The following B4GALT1 variants were observed in gnomAD, a reference collection of about 807,000 sequenced individuals.
B4GALT1 encodes beta-1,4-galactosyltransferase 1.
In B4GALT1, 16 loss-of-function variants were observed where a neutral mutation model predicts 34.9. That is an observed-to-expected ratio of 0.46 (90% CI 0.31 to 0.70). The LOEUF (loss-of-function observed/expected upper bound fraction) is 0.70. Among genes scored for constraint, B4GALT1 ranks in the 30% least tolerant of loss-of-function variants. B4GALT1 has a pLI of 0.05. For synonymous variants in B4GALT1, 221 were observed against 218.1 expected, an observed-to-expected ratio of 1.01 and a Z score of -0.12; for missense variants, 445 against 530.5, an observed-to-expected ratio of 0.84 and a Z score of 1.58.
chr9:33,178,341 C>G, the B4GALT1 span, among the ~76,000 whole-genome samples: 55 of 152,228 alleles, frequency 3.6e-4, no homozygotes, highest in Middle Eastern at 3.4e-3. Context: ...TGATACATAG[C>G]TACATTCTAT....
At position 33,115,903 on chromosome 9, in the gene B4GALT1, T is replaced by G. The variant is rs1008515943; in HGVS notation, c.959+88A>C. The G allele has an allele frequency of 1.2e-5, 19 of 1,531,708 alleles. No homozygotes were observed. In the African/African-American group the frequency reaches 2.1e-4, roughly 17 times the overall value. 94.9% of individuals were successfully genotyped at this position (1,531,708 alleles called of 1,614,324 possible). A position where few individuals can be genotyped will look rare whatever the true frequency, so the allele number is the denominator to read the frequency against. On this transcript the variant is annotated intron_variant, in intron 4 of 5. Coordinates refer to ENST00000379731, the MANE Select transcript of B4GALT1 (RefSeq NM_001497.4). ...ACTAGGGGTGCATCCCATCTGAGGG[T>G]CAGTCCTTGGGGAACAACCAAGCAT... is the stretch of plus-strand genomic sequence containing the variant.
At chr9:33,132,117 G>A (rs117347752) in intron 2 of B4GALT1, among the ~76,000 whole-genome samples, 235 of 150,382 alleles carry the variant, frequency 1.6e-3, no homozygotes, top group Non-Finnish European at 2.6e-3. Flanking sequence ...AAAGTATGAG[G>A]AAAAGCAAAG....
chr9:33,113,313 TG>T lies in B4GALT1; in HGVS notation c.*140del. The T allele has an allele frequency of 7.7e-7, 1 of 1,302,740 alleles. No homozygotes were observed. Among genetic ancestry groups the T allele is most frequent in the Non-Finnish European group, 1.1e-6 (1 of 904,034 alleles). The allele number at this position is 1,302,740 out of a possible 1,614,324, so 80.7% of individuals were successfully genotyped here. On this transcript the variant is annotated 3_prime_UTR_variant, in exon 6 of 6. Transcript: ENST00000379731. ...AAATATCCCACTCGTCCTGGTCATC[TG>T]GAAAGCCATCTGAATGATGAGCGAA... is the stretch of plus-strand genomic sequence containing the variant.
upstream of B4GALT1, among the ~76,000 whole-genome samples, chr9:33,169,876 A>G (rs1303671062): frequency 2.0e-5 from 3 of 147,548 alleles, no homozygotes; most frequent in East Asian, 6.0e-4. Context: ...TTATGCATTT[A>G]TTTTCTGTTG....
downstream of B4GALT1, chr9:33,108,764 A>G (rs1039437344): frequency 3.3e-5 from 5 of 151,892 alleles, no homozygotes; most frequent in African/African-American, 1.2e-4. Flanking sequence ...TCTCACTCAG[A>G]CCTGACAGCT....
rs1345894879 is a variant in B4GALT1, at chr9:33,112,905, T to C, written c.*549A>G. On this transcript the variant is annotated 3_prime_UTR_variant, in exon 6 of 6. Coordinates refer to ENST00000379731, the MANE Select transcript of B4GALT1 (RefSeq NM_001497.4). ...CAGGGCTCAAGTTTTAAAATCCTTT[T>C]GCTAAGAAAAGACATATGCACAGTG... is the stretch of plus-strand genomic sequence containing the variant. The C allele has an allele frequency of 5.8e-6, 1 of 172,048 alleles. No individual in the cohort carries two copies. Among genetic ancestry groups the C allele is most frequent in the Non-Finnish European group, 1.3e-5 (1 of 78,726 alleles). The allele number at this position is 172,048 out of a possible 1,614,324, so 10.7% of individuals were successfully genotyped here.
chr9:33,122,072 A>T (rs985439337), intron 2 of B4GALT1, among the ~76,000 whole-genome samples: 3 of 152,082 alleles, frequency 2.0e-5, no homozygotes, highest in African/African-American at 7.2e-5. Flanking sequence ...AAGGCCCAAT[A>T]CTTTGGAATC....
At chr9:33,165,987 A>G (rs10813958) in intron 1 of B4GALT1, among the ~76,000 whole-genome samples, 74,788 of 151,936 alleles carry the variant, frequency 0.49, 19,342 homozygotes, top group East Asian at 0.72. Context: ...TAGCCCTCTA[A>G]CACCCAGAGT....
intron 4 of B4GALT1, among the ~76,000 whole-genome samples, chr9:33,114,719 A>G (rs909612384): frequency 3.9e-5 from 6 of 152,266 alleles, no homozygotes; most frequent in Non-Finnish European, 8.8e-5. Flanking sequence ...AGAGCAGGAC[A>G]GCAAAGTTAG....
chr9:33,122,057 G>A (rs1840028422), intron 2 of B4GALT1, among the ~76,000 whole-genome samples: 2 of 152,246 alleles, frequency 1.3e-5, no homozygotes, highest in Middle Eastern at 3.4e-3. Flanking sequence ...ATGAGGAAAC[G>A]AACTAAGGCC....
At chr9:33,166,501 G>A (rs753681969) in intron 1 of B4GALT1, among the ~76,000 whole-genome samples, 2 of 152,216 alleles carry the variant, frequency 1.3e-5, no homozygotes, top group Non-Finnish European at 2.9e-5. Flanking sequence ...GCCTTCTCTG[G>A]TTCTGGGGCT....
At chr9:33,131,248 G>T (rs1840190264) in intron 2 of B4GALT1, among the ~76,000 whole-genome samples, 1 of 152,178 alleles carries the variant, frequency 6.6e-6, no homozygotes, top group Non-Finnish European at 1.5e-5. Context: ...CAGCCCTACT[G>T]TTGTCTATGT....
intron 1 of B4GALT1, among the ~76,000 whole-genome samples, chr9:33,144,290 G>A (rs959533398): frequency 3.3e-5 from 5 of 152,154 alleles, no homozygotes; most frequent in Non-Finnish European, 4.4e-5. Context: ...CTGGAGTGCA[G>A]TGGTGCGATC....
chr9:33,120,107 C>A (rs566142383), intron 3 of B4GALT1, among the ~76,000 whole-genome samples: 1 of 151,888 alleles, frequency 6.6e-6, no homozygotes, highest in East Asian at 1.9e-4. Context: ...TGGCATGAAC[C>A]CGGGAGGCAG....
At chr9:33,150,289 G>A (rs2118242547) in intron 1 of B4GALT1, among the ~76,000 whole-genome samples, 1 of 149,172 alleles carries the variant, frequency 6.7e-6, no homozygotes, top group South Asian at 2.1e-4. Context: ...GAGAGAGAGA[G>A]AAGGAAAAAG....
At chr9:33,130,367 T>C (rs139366760) in intron 2 of B4GALT1, among the ~76,000 whole-genome samples, 3 of 151,994 alleles carry the variant, frequency 2.0e-5, no homozygotes, top group Non-Finnish European at 4.4e-5. Flanking sequence ...GTTGCTTCTT[T>C]TCTTGCTGCC....
At chr9:33,179,498 C>T in the B4GALT1 span, 1 of 152,258 alleles carries the variant, frequency 6.6e-6, no homozygotes, top group Admixed American at 6.5e-5. Flanking sequence ...CTCGCTATGT[C>T]ATGAGGCAGC....
intron 2 of B4GALT1, among the ~76,000 whole-genome samples, chr9:33,125,528 G>A (rs1840078453): frequency 6.6e-6 from 1 of 152,180 alleles, no homozygotes; most frequent in South Asian, 2.1e-4. Flanking sequence ...TTCCTATGAG[G>A]CAACAACCGT....
intron 2 of B4GALT1, among the ~76,000 whole-genome samples, chr9:33,123,017 G>A (rs889893260): frequency 4.6e-5 from 7 of 152,066 alleles, no homozygotes; most frequent in Admixed American, 1.3e-4. Context: ...AGTGGCTCAC[G>A]TATGTAATCC....
Sources: gnomAD v4.1 joint callset for allele counts (sites outside exome capture counted in the v4.1 genomes callset) on GRCh38, gnomAD v4.1.1 for gene constraint, MANE v1.5 for transcripts, NCBI Gene and HGNC (gene_info 2026-07-23, HGNC 2026-07-21) for gene names.